BORCS7: variants seen among roughly 807,000 people sequenced by gnomAD.
BORCS7 encodes the protein BLOC-1-related complex subunit 7.
In BORCS7, 20 loss-of-function variants were observed where a neutral mutation model predicts 17.5. The observed-to-expected ratio is 1.14, with a 90% confidence interval of 0.80 to 1.66. The LOEUF (loss-of-function observed/expected upper bound fraction) is 1.66, where lower values mean the gene tolerates loss of function less well. Ranked by LOEUF, BORCS7 falls within the 40% of genes most tolerant of loss-of-function variation. The probability of loss-of-function intolerance (pLI) is 0.00; values close to 1 mark genes in which losing one functional copy is unlikely to be tolerated. For missense variants in BORCS7, 122 were observed against 129.7 expected (o/e 0.94, Z 0.29); for synonymous variants, 57 against 49.8 (o/e 1.14, Z -0.61).
chr10:102,861,209 G>A (rs1207115552), intron 3 of BORCS7, among the ~76,000 whole-genome samples: 2 of 152,104 alleles, frequency 1.3e-5, no homozygotes, highest in Non-Finnish European at 2.9e-5. Context: ...GAGATCAGGG[G>A]TTCAAGACCA....
At chr10:102,859,299 C>A (rs915214317) in intron 1 of BORCS7, among the ~76,000 whole-genome samples, 1 of 151,950 alleles carries the variant, frequency 6.6e-6, no homozygotes, top group Non-Finnish European at 1.5e-5. Context: ...CGTGCCACCA[C>A]GCCTGGCTAA....
At position 102,863,801 on chromosome 10, in the gene BORCS7, T is replaced by C. The variant is rs1844556686; in HGVS notation, c.*877T>C. 6.6e-6 allele frequency: 1 copy of C among 152,230 alleles called. No homozygotes were observed. The highest frequency in any genetic ancestry group is 1.5e-5 in the Non-Finnish European group (1 of 68,046). 9.4% of individuals were successfully genotyped at this position (152,230 alleles called of 1,614,324 possible). ...ATGAACATTAGGCAAGTGGTATCAT[T>C]ATCAGGCCAGCTGCAGCCTCTTGCC... is the stretch of plus-strand genomic sequence containing the variant. On this transcript the variant is annotated 3_prime_UTR_variant, in exon 5 of 5. Transcript: ENST00000339834.
At position 102,860,548 on chromosome 10, in the gene BORCS7, A is replaced by T; in HGVS notation, c.248+7A>T. On this transcript the variant is annotated splice_region_variant and intron_variant, in intron 3 of 4. Transcript: ENST00000339834. ...CAACACATCTTCAATACCAGTGAGT[A>T]TGCCCCCTCCAGCAACTATTTGCTG... 6.2e-7 allele frequency: 1 copy of T among 1,611,874 alleles called. No homozygotes were observed. Among genetic ancestry groups the T allele is most frequent in the Non-Finnish European group, 8.5e-7 (1 of 1,177,962 alleles).
chr10:102,859,771 C>G, intron 1 of BORCS7, among the ~76,000 whole-genome samples: 1 of 151,468 alleles, frequency 6.6e-6, no homozygotes, highest in East Asian at 2.0e-4. Flanking sequence ...ACCATGTTGC[C>G]CAGGCTGGTC....
intron 3 of BORCS7, chr10:102,860,777 G>A (rs551345585): frequency 3.2e-4 from 191 of 600,098 alleles, no homozygotes; most frequent in Non-Finnish European, 5.4e-4. Context: ...TTAAATTGAG[G>A]GCTCCTCAGA....
In BORCS7 at chr10:102,854,400, G is replaced by C; in HGVS notation, c.114G>C (p.Gln38His). 1 of 1,547,784 alleles carries C rather than the reference G, an allele frequency of 6.5e-7. No individual in the cohort carries two copies. The highest frequency in any genetic ancestry group is 8.8e-7 in the Non-Finnish European group (1 of 1,141,888). Residue 38 changes from glutamine (Q) to histidine (H), a missense_variant, in exon 1 of 5, where the codon CAG becomes CAC. By Grantham distance (24) the Gln-to-His change is conservative. Transcript: ENST00000339834. The part of the protein sequence containing the change: ...CGTDVIALTK[Q>H]VLKGSRSSEL... ...CTGACGTAATCGCGCTCACCAAGCA[G>C]GTGCTGAAAGGCTCCCGGAGCTCCG... is the stretch of plus-strand genomic sequence containing the variant.
intron 1 of BORCS7, among the ~76,000 whole-genome samples, chr10:102,857,904 T>C (rs1295980148): frequency 1.3e-5 from 2 of 152,046 alleles, no homozygotes; most frequent in Non-Finnish European, 2.9e-5. Context: ...GGCTCATGCT[T>C]ATAATCCCAG....
chr10:102,854,765 TA>T (rs908226656), intron 1 of BORCS7, among the ~76,000 whole-genome samples: 3 of 151,146 alleles, frequency 2.0e-5, no homozygotes, highest in African/African-American at 7.3e-5. Flanking sequence ...AAATAATAAT[TA>T]AAAAAATATA....
At position 102,864,258 on chromosome 10, in the gene BORCS7, T is replaced by C. The variant is rs1194329935; in HGVS notation, c.*1334T>C. 1 of 152,224 alleles carries C rather than the reference T, an allele frequency of 6.6e-6. No individual in the cohort carries two copies. The highest frequency in any genetic ancestry group is 1.9e-4 in the East Asian group (1 of 5,202). The allele number at this position is 152,224 out of a possible 1,614,324, so 9.4% of individuals were successfully genotyped here. A position where few individuals can be genotyped will look rare whatever the true frequency, so the allele number is the denominator to read the frequency against. On this transcript the variant is annotated 3_prime_UTR_variant, in exon 5 of 5. Coordinates refer to ENST00000339834, the MANE Select transcript of BORCS7 (RefSeq NM_001136200.2). Reference sequence around the variant, plus strand: ...GTCCAATCATCAAGTTAACTAAGCATTATCAGATTACGTTTATTTCTCATA... The same window carrying C: ...GTCCAATCATCAAGTTAACTAAGCACTATCAGATTACGTTTATTTCTCATA...
intron 1 of BORCS7, among the ~76,000 whole-genome samples, chr10:102,855,159 CTT>C (rs945217993): frequency 5.4e-5 from 7 of 130,722 alleles, no homozygotes; most frequent in Admixed American, 7.7e-5. Flanking sequence ...AGTACTTTTC[CTT>C]TTTTTTTTTT....
At chr10:102,861,564 A>C (rs1250243553) in intron 3 of BORCS7, among the ~76,000 whole-genome samples, 1 of 151,912 alleles carries the variant, frequency 6.6e-6, no homozygotes, top group Non-Finnish European at 1.5e-5. Flanking sequence ...TAAAAATACA[A>C]AAATTAGCCG....
chr10:102,862,155 T>C lies in BORCS7; in HGVS notation c.249-5T>C, dbSNP rs1564787430. On this transcript the variant is annotated splice_polypyrimidine_tract_variant and splice_region_variant and intron_variant, in intron 3 of 4. Coordinates refer to ENST00000339834, the MANE Select transcript of BORCS7 (RefSeq NM_001136200.2). ...TGTATTTTCCTCTTTCCTTTTCTGA[T>C]TTAGGCAAGAAGCTATTCAGAAGAA... 2 of 1,607,170 alleles carry C rather than the reference T, an allele frequency of 1.2e-6. No homozygotes were observed. The highest frequency in any genetic ancestry group is 1.7e-6 in the Non-Finnish European group (2 of 1,173,716).
chr10:102,862,281 C>A, intron 4 of BORCS7, 101 bp downstream of exon 4: 1 of 1,131,528 alleles, frequency 8.8e-7, no homozygotes. Context: ...TGGTTGACAC[C>A]TGCCCTCAAA....
chr10:102,862,114 TATTA>T, intron 3 of BORCS7, 42 bp from the exon 4 acceptor site: 1 of 1,544,638 alleles, frequency 6.5e-7, no homozygotes, highest in African/African-American at 1.4e-5. Context: ...AAATGAAACT[TATTA>T]GTTCACTTAT....
intron 1 of BORCS7, among the ~76,000 whole-genome samples, chr10:102,856,160 G>A (rs534326522): frequency 6.6e-6 from 1 of 152,182 alleles, no homozygotes; most frequent in Non-Finnish European, 1.5e-5. Context: ...CATAATGAGT[G>A]GTTATGACTC....
rs112292155 is a variant in BORCS7, at chr10:102,862,575, T to A, written c.270-298T>A. ...GCTTTGCAAACCTTTCTTCAGAGTT[T>A]AAACACTTCTGGGACACAACTGGAC... On this transcript the variant is annotated intron_variant, in intron 4 of 4. Transcript: ENST00000339834. Among the ~76,000 whole-genome samples, 288 of 152,352 alleles carry A rather than the reference T, an allele frequency of 1.9e-3. 1 individual carries two copies. Among genetic ancestry groups the A allele is most frequent in the Middle Eastern group, 0.01 (3 of 294 alleles).
chr10:102,858,179 AT>A (rs1322108028), intron 1 of BORCS7, among the ~76,000 whole-genome samples: 5 of 116,876 alleles, frequency 4.3e-5, no homozygotes, highest in African/African-American at 1.3e-4. Context: ...AAAAAAAAAT[AT>A]ATATATATAT....
chr10:102,854,782 G>T (rs531569254), intron 1 of BORCS7, among the ~76,000 whole-genome samples: 24 of 151,288 alleles, frequency 1.6e-4, no homozygotes, highest in African/African-American at 4.8e-4. Flanking sequence ...ATATATAGCC[G>T]AGCGTGGTGG....
rs1844561495 is a variant in BORCS7, at chr10:102,864,193, A to G, written c.*1269A>G. 1 of 152,228 alleles carries G rather than the reference A, an allele frequency of 6.6e-6. No individual in the cohort carries two copies. Among genetic ancestry groups the G allele is most frequent in the Non-Finnish European group, 1.5e-5 (1 of 68,034 alleles). 9.4% of individuals were successfully genotyped at this position (152,228 alleles called of 1,614,324 possible). On this transcript the variant is annotated 3_prime_UTR_variant, in exon 5 of 5. Transcript: ENST00000339834. ...TATTGTTTTCACTGCAGGAATAAAG[A>G]GGAAGTAACAGTGAATCCAATATAG...
Sources: gnomAD v4.1 joint callset for allele counts (sites outside exome capture counted in the v4.1 genomes callset) on GRCh38, gnomAD v4.1.1 for gene constraint, MANE v1.5 for transcripts, NCBI Gene and HGNC (gene_info 2026-07-23, HGNC 2026-07-21) for gene names.